C2CD2: variants seen among roughly 807,000 people sequenced by gnomAD.
C2CD2 encodes C2 calcium dependent domain containing 2, also known as C2 domain-containing protein 2.
A neutral mutation model predicts 74.3 loss-of-function variants in C2CD2; 43 were observed. The observed-to-expected ratio is 0.58, with a 90% CI of 0.45 to 0.75. The LOEUF (loss-of-function observed/expected upper bound fraction) is 0.75. C2CD2 is among the 30% of genes least tolerant of loss of function. C2CD2 has a pLI of 0.00. For synonymous variants in C2CD2, 422 were observed against 390.7 expected (o/e 1.08, Z -0.94); for missense variants, 801 against 916.3 (o/e 0.87, Z 1.63).
chr21:41,907,843 A>G, intron 8 of C2CD2, 59 bp from the exon 9 acceptor site: 1 of 1,600,612 alleles, frequency 6.2e-7, no homozygotes, highest in Non-Finnish European at 8.6e-7. Flanking sequence ...TTCCGTGAGG[A>G]CGGAAAGGCC....
Position 41,912,331 on chromosome 21 carries a change from C to G in C2CD2, c.953+1G>C. The G allele has an allele frequency of 6.2e-7, 1 of 1,602,382 alleles. No homozygotes were observed. The highest frequency in any genetic ancestry group is 8.5e-7 in the Non-Finnish European group (1 of 1,171,528). On this transcript the variant is annotated splice_donor_variant, in intron 7 of 13. Transcript: ENST00000380486. LOFTEE classifies it high-confidence loss of function. ...CAGGCCCATAACCCGGCCAGACTCA[C>G]AAGGTGAATTCCTCTTCCCACATGA...
chr21:41,948,380 G>A (rs1480454058), intron 1 of C2CD2, among the ~76,000 whole-genome samples: 2 of 152,266 alleles, frequency 1.3e-5, no homozygotes, highest in East Asian at 1.9e-4. Context: ...AAGTGACTCC[G>A]GGGGGGTCGG....
At chr21:41,912,496 T>TAC in intron 6 of C2CD2, 56 bp from the exon 7 acceptor site, 1 of 841,524 alleles carries the variant, frequency 1.2e-6, no homozygotes, top group Non-Finnish European at 1.7e-6. Flanking sequence ...TTTATTTATT[T>TAC]TTTTTTTTTT....
Position 41,929,144 on chromosome 21 carries a change from A to G in C2CD2, c.379-7059T>C, listed in dbSNP as rs2065242289. ...AATAAAAATGCAAAAAGATCACACT[A>G]ATGGCATGGTTTATTTTGTGCTGTG... On this transcript the variant is annotated intron_variant, in intron 2 of 13. Coordinates refer to ENST00000380486, the MANE Select transcript of C2CD2 (RefSeq NM_015500.2). This position sits in a 1 kb window ranked among gnomAD's most constrained non-coding sequence, Gnocchi z 4.6. Among the ~76,000 whole-genome samples, 1 of 152,076 alleles carries G rather than the reference A, an allele frequency of 6.6e-6. No homozygotes were observed. The highest frequency in any genetic ancestry group is 6.5e-5 in the Admixed American group (1 of 15,268).
At chr21:41,894,854 C>T (rs75855167) in intron 13 of C2CD2, 314 of 456,760 alleles carry the variant, frequency 6.9e-4, no homozygotes, top group African/African-American at 5.6e-3. Context: ...ATAGCCGCCC[C>T]ATGGTGGTTG....
chr21:41,930,173 C>T (rs1003119212), intron 2 of C2CD2, among the ~76,000 whole-genome samples: 55 of 149,760 alleles, frequency 3.7e-4, no homozygotes, highest in African/African-American at 1.2e-3. Context: ...GGTTATAAAT[C>T]GACTGTTCTC....
chr21:41,942,001 A>G, intron 2 of C2CD2, 146 bp downstream of exon 2: 2 of 989,682 alleles, frequency 2.0e-6, no homozygotes, highest in Non-Finnish European at 2.9e-6. Context: ...TTCTTCATCT[A>G]CCCATCAGCT....
rs973131069 is a variant in C2CD2, at chr21:41,918,862, C to G, written c.591G>C (p.Leu197=). Reference sequence around the variant, plus strand: ...TAAAAACTTACGGACTGACCTCCCCCAGTGCTTTGGGCTGGATATTAACGG... The same window carrying G: ...TAAAAACTTACGGACTGACCTCCCCGAGTGCTTTGGGCTGGATATTAACGG... ...EMAVNIQPKA[L]GEDQVAETSA... The change falls in exon 4 of 14, where the codon CTG becomes CTC. Residue 197 remains leucine, a synonymous_variant. Transcript: ENST00000380486. 1.9e-6 allele frequency: 3 copies of G among 1,612,888 alleles called. No individual in the cohort carries two copies. Among genetic ancestry groups the G allele is most frequent in the Non-Finnish European group, 2.5e-6 (3 of 1,178,990 alleles).
intron 5 of C2CD2, 50 bp from the exon 6 acceptor site, chr21:41,914,771 G>A (rs2065069676): frequency 9.5e-6 from 15 of 1,573,384 alleles, no homozygotes; most frequent in Non-Finnish European, 1.3e-5. Flanking sequence ...GGAGATTGAG[G>A]GCCAAGGAAG....
At chr21:41,934,981 T>C (rs2065294672) in intron 2 of C2CD2, among the ~76,000 whole-genome samples, 2 of 152,078 alleles carry the variant, frequency 1.3e-5, no homozygotes, top group African/African-American at 4.8e-5. Flanking sequence ...AACCTCCACC[T>C]CCCAGGTTCA....
At chr21:41,936,728 G>A (rs1483116974) in intron 2 of C2CD2, among the ~76,000 whole-genome samples, 1 of 151,496 alleles carries the variant, frequency 6.6e-6, no homozygotes, top group Non-Finnish European at 1.5e-5. Flanking sequence ...TCAACGTGAA[G>A]ACGATGAGGA....
intron 1 of C2CD2, among the ~76,000 whole-genome samples, chr21:41,948,002 T>TCCC (rs1208513235): frequency 3.9e-5 from 6 of 152,220 alleles, no homozygotes; most frequent in Non-Finnish European, 8.8e-5. Flanking sequence ...CTTTCCTGAA[T>TCCC]CCCTGTCTTG....
chr21:41,933,070 C>T (rs553879963), intron 2 of C2CD2, among the ~76,000 whole-genome samples: 2 of 150,416 alleles, frequency 1.3e-5, no homozygotes, highest in South Asian at 2.1e-4. Flanking sequence ...GGCTGGGTTC[C>T]GGCGGCCTTG....
intron 1 of C2CD2, among the ~76,000 whole-genome samples, chr21:41,952,795 G>A (rs1343473484): frequency 9.2e-5 from 14 of 152,238 alleles, no homozygotes; most frequent in Non-Finnish European, 1.8e-4. Context: ...CTGTAAAACA[G>A]TGATAACACC....
At chr21:41,896,212 A>G (rs1452921614) in intron 13 of C2CD2, among the ~76,000 whole-genome samples, 2 of 152,256 alleles carry the variant, frequency 1.3e-5, no homozygotes, top group African/African-American at 4.8e-5. Context: ...CTTACTGTGC[A>G]GGCAATTAAT....
intron 2 of C2CD2, among the ~76,000 whole-genome samples, chr21:41,935,843 C>CA (rs950763746): frequency 3.3e-5 from 5 of 150,466 alleles, no homozygotes; most frequent in East Asian, 3.9e-4. Context: ...GACTCTGTCT[C>CA]AAAAAAAAAG....
rs2064902112 is a variant in C2CD2 at position 41,901,802 on chromosome 21, T to C, written c.1433-53A>G. On this transcript the variant is annotated intron_variant, in intron 11 of 13. Coordinates refer to ENST00000380486, the MANE Select transcript of C2CD2 (RefSeq NM_015500.2). ...CATCAGCAAAAATTAAAGACTTCCA[T>C]GGGAACTTCCAGGGATAATGGAAAT... The C allele has an allele frequency of 3.9e-6, 6 of 1,536,192 alleles. No homozygotes were observed. In the African/African-American group the frequency reaches 6.8e-5, roughly 17 times the overall value.
rs571169401 is a variant in C2CD2, at chr21:41,907,749, A to G, written c.1054T>C (p.Phe352Leu). The change falls in exon 9 of 14, where the codon TTT becomes CTT. Residue 352 changes from phenylalanine (F) to leucine (L), a missense_variant. Physicochemically the swap from Phe to Leu is conservative, Grantham distance 22. Coordinates refer to ENST00000380486, the MANE Select transcript of C2CD2 (RefSeq NM_015500.2). ...TGTGGCCCAGAAGGCTGCTTCTTAAATAAGTCCAGAGGAACTGTCGCCGTC... is the reference window on the plus strand; with the variant it reads ...TGTGGCCCAGAAGGCTGCTTCTTAAGTAAGTCCAGAGGAACTGTCGCCGTC... ...LATATVPLDL[F>L]KKQPSGPQSF... 3 of 1,613,838 alleles carry G rather than the reference A, an allele frequency of 1.9e-6. No homozygotes were observed. Among genetic ancestry groups the G allele is most frequent in the East Asian group, 4.5e-5 (2 of 44,882 alleles).
rs1246719201 is a variant in C2CD2 at position 41,888,833 on chromosome 21, TCTC to T, written c.*288_*290del. The T allele has an allele frequency of 6.4e-6, 3 of 471,522 alleles. No homozygotes were observed. Among genetic ancestry groups the T allele is most frequent in the Non-Finnish European group, 3.9e-6 (1 of 258,954 alleles). The allele number at this position is 471,522 out of a possible 1,614,324, so 29.2% of individuals were successfully genotyped here. A position where few individuals can be genotyped will look rare whatever the true frequency, so the allele number is the denominator to read the frequency against. ...CATATTATTTCACTTATAATGTTAA[TCTC>T]CTTCTAATATTGAACCCTAACCCTT... On this transcript the variant is annotated 3_prime_UTR_variant, in exon 14 of 14. Transcript: ENST00000380486.
Sources: allele counts gnomAD v4.1 joint callset (sites outside exome capture counted in the v4.1 genomes callset), GRCh38; gene constraint gnomAD v4.1.1; non-coding constraint Gnocchi (gnomAD v3.1); transcripts MANE v1.5; gene names NCBI Gene and HGNC (gene_info 2026-07-23, HGNC 2026-07-21).